Variants in HERPUD1 observed in about 807,000 individuals in gnomAD.
The protein encoded by HERPUD1 is homocysteine-responsive endoplasmic reticulum-resident ubiquitin-like domain member 1 protein.
Under a neutral mutation model 45.0 loss-of-function variants are expected in HERPUD1, and 17 were observed. That is an observed-to-expected ratio of 0.38 (90% CI 0.26 to 0.57). The LOEUF is 0.57. Among genes scored for constraint, HERPUD1 ranks in the 20% least tolerant of loss-of-function variants. The pLI, the probability that HERPUD1 is intolerant of heterozygous loss-of-function variation, is 0.72. For missense variants in HERPUD1, 420 were observed against 490.5 expected (o/e 0.86, Z 1.36); for synonymous variants, 164 against 177.5 (o/e 0.92, Z 0.61).
At position 56,933,467 on chromosome 16, in the gene HERPUD1, CTA is replaced by C. The variant is rs2055842270; in HGVS notation, c.147+1078_147+1079del. Among the ~76,000 whole-genome samples, 7 of 152,306 alleles carry C rather than the reference CTA, an allele frequency of 4.6e-5. No homozygotes were observed. In the South Asian group the frequency reaches 1.4e-3, roughly 32 times the overall value. ...GGTGGCTGTGTTGCCATGAGAATGACTATTGGGTACACAAATTGGTGAAGCAG... is the reference window on the plus strand; with the variant it reads ...GGTGGCTGTGTTGCCATGAGAATGACTTGGGTACACAAATTGGTGAAGCAG... On this transcript the variant is annotated intron_variant, in intron 1 of 7. Coordinates refer to ENST00000439977, the MANE Select transcript of HERPUD1 (RefSeq NM_014685.4).
chr16:56,932,667 G>A (rs1271710483), intron 1 of HERPUD1, among the ~76,000 whole-genome samples: 4 of 152,250 alleles, frequency 2.6e-5, no homozygotes, highest in Non-Finnish European at 5.9e-5. Flanking sequence ...GCAACTCGGT[G>A]TTCCTAATTG....
intron 1 of HERPUD1, among the ~76,000 whole-genome samples, chr16:56,934,750 C>T (rs1277433261): frequency 8.4e-6 from 1 of 119,282 alleles, no homozygotes; most frequent in Non-Finnish European, 1.6e-5. Context: ...CTCACTCTGT[C>T]GCCCAGGCTG....
At chr16:56,937,349 G>A (rs551791675) in intron 4 of HERPUD1, 2 of 152,292 alleles carry the variant, frequency 1.3e-5, no homozygotes, top group South Asian at 4.1e-4. Flanking sequence ...ATAGCTCTTG[G>A]AATACATTGT....
rs995123952 is a variant in HERPUD1, at chr16:56,940,178, A to G, written c.838A>G (p.Ile280Val). 1.9e-6 allele frequency: 3 copies of G among 1,614,208 alleles called. No homozygotes were observed. The highest frequency in any genetic ancestry group is 1.3e-5 in the African/African-American group (1 of 75,060). Residue 280 changes from isoleucine (I) to valine (V), a missense_variant, in exon 6 of 8, where the codon ATC (isoleucine) becomes GTC (valine). Physicochemically the swap from Ile to Val is conservative, Grantham distance 29. Coordinates refer to ENST00000439977, the MANE Select transcript of HERPUD1 (RefSeq NM_014685.4). ...AGCTACATTTTCTGTTTTTCTCAGT[A>G]TCCTCTACTTCTACTCCTCCCTGAG... Reference protein sequence around the residue: ...SAATFSVFLSILYFYSSLSRF... With the variant: ...SAATFSVFLSVLYFYSSLSRF...
intron 3 of HERPUD1, 192 bp downstream of exon 3, chr16:56,935,667 C>A (rs948353652): frequency 5.0e-6 from 3 of 595,496 alleles, no homozygotes; most frequent in African/African-American, 1.9e-5. Context: ...CAGATTGTTC[C>A]GTTAGTGCTG....
rs761871879 is a variant in HERPUD1 at position 56,939,984 on chromosome 16, T to C, written c.644T>C (p.Ile215Thr). ...PVVSAPAPAP[I>T]HNQFPAENQP... ...GTCTCTGCACCTGCTCCAGCCCCTA[T>C]TCACAACCAGTTTCCAGCTGAAAAC... Residue 215 changes from isoleucine to threonine, a missense_variant, in exon 6 of 8, where the codon ATT (isoleucine) becomes ACT (threonine). Ile to Thr is a moderately conservative substitution (Grantham distance 89, BLOSUM62 -1). Transcript: ENST00000439977. 2 of 1,613,898 alleles carry C rather than the reference T, an allele frequency of 1.2e-6. No homozygotes were observed. Among genetic ancestry groups the C allele is most frequent in the South Asian group, 2.2e-5 (2 of 91,054 alleles).
At chr16:56,940,887 G>A (rs1414017598) in intron 6 of HERPUD1, 1 of 152,134 alleles carries the variant, frequency 6.6e-6, no homozygotes, top group African/African-American at 2.4e-5. Flanking sequence ...GAACTGGGGA[G>A]GCAGAGGTTG....
chr16:56,935,189 T>C (rs2055856461), intron 1 of HERPUD1, 46 bp from the exon 2 acceptor site: 1 of 1,303,444 alleles, frequency 7.7e-7, no homozygotes, highest in Non-Finnish European at 1.1e-6. Flanking sequence ...TAGGAACTTG[T>C]AGGGGTGAAA....
rs890079997 is a variant in HERPUD1, at chr16:56,943,532, G to A, written c.*242G>A. ...AGAGCTTTAATATATACTCTATGTA[G>A]TTTAATAAGCACTGTACGTAGAAGG... On this transcript the variant is annotated 3_prime_UTR_variant, in exon 8 of 8. Coordinates refer to ENST00000439977, the MANE Select transcript of HERPUD1 (RefSeq NM_014685.4). 24 of 559,530 alleles carry A rather than the reference G, an allele frequency of 4.3e-5. No homozygotes were observed. Among genetic ancestry groups the A allele is most frequent in the Non-Finnish European group, 6.1e-5 (19 of 310,240 alleles). The allele number at this position is 559,530 out of a possible 1,614,324, so 34.7% of individuals were successfully genotyped here. A position where few individuals can be genotyped will look rare whatever the true frequency, so the allele number is the denominator to read the frequency against.
Position 56,932,169 on chromosome 16 carries a change from G to C in HERPUD1, c.-76G>C. On this transcript the variant is annotated 5_prime_UTR_variant, in exon 1 of 8. Transcript: ENST00000439977. ...CCCAGAGACGTGAACTGTCGTTGCA[G>C]AGATTGCGGGCGGCTGAGACGCCGC... 6.4e-7 allele frequency: 1 copy of C among 1,565,430 alleles called. No individual in the cohort carries two copies. The highest frequency in any genetic ancestry group is 1.9e-5 in the Admixed American group (1 of 53,796).
chr16:56,934,702 C>CTTTTTCTT (rs2055851659), intron 1 of HERPUD1, among the ~76,000 whole-genome samples: 1 of 59,862 alleles, frequency 1.7e-5, no homozygotes, highest in Admixed American at 2.3e-4. Context: ...ATTTGCCATT[C>CTTTTTCTT]TTTTTTTTTT....
chr16:56,944,769 G>A lies in HERPUD1; in HGVS notation c.*1479G>A, dbSNP rs1164194711. 1 of 152,066 alleles carries A rather than the reference G, an allele frequency of 6.6e-6. No homozygotes were observed. Among genetic ancestry groups the A allele is most frequent in the Non-Finnish European group, 1.5e-5 (1 of 68,024 alleles). The allele number at this position is 152,066 out of a possible 1,614,324, so 9.4% of individuals were successfully genotyped here. ...AGATGTGAGCCACCGCACCCAGCCA[G>A]GGACTAATCTTTAAAGCAAAGTTTT... On this transcript the variant is annotated 3_prime_UTR_variant, in exon 8 of 8. Transcript: ENST00000439977.
intron 5 of HERPUD1, among the ~76,000 whole-genome samples, 197 bp downstream of exon 5, chr16:56,939,556 T>C (rs1449345907): frequency 1.3e-5 from 2 of 152,264 alleles, no homozygotes; most frequent in African/African-American, 4.8e-5. Flanking sequence ...AAGGGTGCTT[T>C]TGTCTGATAC....
At chr16:56,939,465 C>T in intron 5 of HERPUD1, 106 bp downstream of exon 5, 1 of 1,400,306 alleles carries the variant, frequency 7.1e-7, no homozygotes, top group Non-Finnish European at 9.9e-7. Flanking sequence ...AGTGTATTTT[C>T]ATCAGTCTGC....
intron 6 of HERPUD1, among the ~76,000 whole-genome samples, chr16:56,940,621 T>C (rs1182939558): frequency 6.6e-6 from 1 of 151,804 alleles, no homozygotes; most frequent in Non-Finnish European, 1.5e-5. Flanking sequence ...ATTTTGCTCT[T>C]TTTTGAGCAG....
chr16:56,935,020 G>T, intron 1 of HERPUD1: 1 of 516,884 alleles, frequency 1.9e-6, no homozygotes, highest in Non-Finnish European at 3.5e-6. Context: ...CCGATAATTT[G>T]CCATTCTGTA....
intron 1 of HERPUD1, 27 bp from the exon 2 acceptor site, chr16:56,935,208 T>A (rs1481483521): frequency 6.5e-7 from 1 of 1,543,882 alleles, no homozygotes; most frequent in Middle Eastern, 1.7e-4. Context: ...AATGCTGACC[T>A]GTGTTACTCT....
At chr16:56,942,400 C>T (rs568038790) in intron 7 of HERPUD1, among the ~76,000 whole-genome samples, 163 bp downstream of exon 7, 2 of 152,282 alleles carry the variant, frequency 1.3e-5, no homozygotes, top group Non-Finnish European at 2.9e-5. Context: ...TTTAAAACGT[C>T]GAATGTGCCA....
intron 1 of HERPUD1, among the ~76,000 whole-genome samples, chr16:56,933,469 A>G (rs939347954): frequency 1.3e-5 from 2 of 152,184 alleles, no homozygotes; most frequent in African/African-American, 2.4e-5. Flanking sequence ...GAGAATGACT[A>G]TTGGGTACAC....
Sources: allele counts gnomAD v4.1 joint callset (sites outside exome capture counted in the v4.1 genomes callset), GRCh38; gene constraint gnomAD v4.1.1; transcripts MANE v1.5; gene names NCBI Gene and HGNC (gene_info 2026-07-23, HGNC 2026-07-21).